Variants in DSC3 observed in about 807,000 individuals in gnomAD.
DSC3 encodes desmocollin 3, also known as desmocollin-3.
In DSC3, 97 loss-of-function variants were observed where a neutral mutation model predicts 89.5. That is an observed-to-expected ratio of 1.08 (90% CI 0.92 to 1.28). The LOEUF is 1.28. Among genes scored for constraint, DSC3 ranks in the 50% most tolerant of loss-of-function variants. DSC3 has a pLI of 0.00. For synonymous variants in DSC3, 436 were observed against 384.1 expected (o/e 1.14, Z -1.58); for missense variants, 1,199 against 1,085.3 (o/e 1.10, Z -1.47).
intron 14 of DSC3, among the ~76,000 whole-genome samples, chr18:31,000,691 T>C (rs1196545306): frequency 6.6e-6 from 1 of 152,138 alleles, no homozygotes; most frequent in Non-Finnish European, 1.5e-5. Context: ...TTGTAGGCTA[T>C]GCTGTTTTCC....
intron 1 of DSC3, among the ~76,000 whole-genome samples, chr18:31,033,232 T>C (rs115114836): frequency 0.014 from 2,058 of 152,208 alleles, 58 homozygotes; most frequent in African/African-American, 0.047. Context: ...ACAGATTCAA[T>C]ACAATCTGTA....
intron 1 of DSC3, among the ~76,000 whole-genome samples, chr18:31,035,643 A>C (rs532955315): frequency 6.6e-6 from 1 of 151,966 alleles, no homozygotes; most frequent in Non-Finnish European, 1.5e-5. Flanking sequence ...TCTCTTTTCA[A>C]AATATCTCAG....
chr18:31,042,011 G>A (rs1986149370), intron 1 of DSC3, among the ~76,000 whole-genome samples: 1 of 152,054 alleles, frequency 6.6e-6, no homozygotes, highest in Non-Finnish European at 1.5e-5. Context: ...TGGCTGGCGG[G>A]GGTGGACCGC....
Position 30,996,771 on chromosome 18 carries a change from A to G in DSC3, c.2493+20T>C, listed in dbSNP as rs1984480090. The G allele has an allele frequency of 3.1e-6, 5 of 1,612,160 alleles. No homozygotes were observed. Among genetic ancestry groups the G allele is most frequent in the Non-Finnish European group, 4.2e-6 (5 of 1,179,768 alleles). On this transcript the variant is annotated intron_variant, in intron 15 of 15. Coordinates refer to ENST00000360428, the MANE Select transcript of DSC3 (RefSeq NM_001941.5). ...TTCGGAGGTTTAAATTTTAGACTCA[A>G]AACACCTAAGGAAACTCACTTCACC...
chr18:31,031,035 G>T lies in DSC3; in HGVS notation c.292C>A (p.Leu98Ile), dbSNP rs755249288. The T allele has an allele frequency of 3.7e-6, 6 of 1,613,902 alleles. No individual in the cohort carries two copies. In the Admixed American group the frequency reaches 1.0e-4, roughly 27 times the overall value. The change falls in exon 3 of 16, where the codon CTT (leucine) becomes ATT (isoleucine). Residue 98 changes from leucine to isoleucine, a missense_variant. Physicochemically the swap from Leu to Ile is conservative, Grantham distance 5. Coordinates refer to ENST00000360428, the MANE Select transcript of DSC3 (RefSeq NM_001941.5). ...TGTGTCTGTTTCCTTTTGTCAGAAA[G>T]CCATATGGTAAATGATCTTTTCTTA... ...SDKKRSFTIW[L>I]SDKRKQTQKE...
chr18:31,020,434 T>C (rs1985379449), intron 7 of DSC3, among the ~76,000 whole-genome samples: 1 of 152,128 alleles, frequency 6.6e-6, no homozygotes, highest in Non-Finnish European at 1.5e-5. Context: ...GGACTTAAGG[T>C]TGCTGTTAGA....
chr18:31,018,283 T>C (rs750325956), intron 8 of DSC3, 27 bp from the exon 9 acceptor site: 2 of 1,583,532 alleles, frequency 1.3e-6, no homozygotes, highest in Middle Eastern at 2.0e-4. Flanking sequence ...TCATTGAAAA[T>C]TGAAATTTTA....
rs1251226014 is a variant in DSC3, at chr18:31,032,579, TGTGTGTGTGTGCGTGTGC to T, written c.70-321_70-304del. 4.0e-3 allele frequency among the ~76,000 whole-genome samples: 534 copies of T among 133,566 alleles called. 5 individuals are homozygous for T. The highest frequency in any genetic ancestry group is 0.013 in the East Asian group (55 of 4,090). 87.6% of individuals were successfully genotyped at this position (133,566 alleles called of 152,430 possible). A position where few individuals can be genotyped will look rare whatever the true frequency, so the allele number is the denominator to read the frequency against. On this transcript the variant is annotated intron_variant, in intron 1 of 15. Transcript: ENST00000360428. ...ATGTGTGTGTGTGTGTGTGTGTGTG[TGTGTGTGTGTGCGTGTGC>T]GTGTGCGTGTGCGTGTGTGACTGAG...
chr18:31,022,042 C>A (rs776807709), intron 7 of DSC3, among the ~76,000 whole-genome samples: 2 of 151,992 alleles, frequency 1.3e-5, no homozygotes, highest in African/African-American at 4.8e-5. Flanking sequence ...AAAATTGAAA[C>A]CTTTGCTGAA....
rs1278852048 is a variant in DSC3, at chr18:30,994,144, C to A, written c.*31G>T. The A allele has an allele frequency of 6.2e-7, 1 of 1,602,780 alleles. No homozygotes were observed. Among genetic ancestry groups the A allele is most frequent in the South Asian group, 1.1e-5 (1 of 90,694 alleles). On this transcript the variant is annotated 3_prime_UTR_variant, in exon 16 of 16. Transcript: ENST00000360428. ...TTATTTTTGGAAACCTCCAGAATGT[C>A]TGACAAAGACCTAATTGTAGCACTG...
chr18:31,008,004 CT>C lies in DSC3; in HGVS notation c.1663+11del, dbSNP rs760370895. 6.7e-5 allele frequency: 107 copies of C among 1,596,780 alleles called. No individual in the cohort carries two copies. Among genetic ancestry groups the C allele is most frequent in the Middle Eastern group, 3.4e-4 (2 of 5,916 alleles). ...TCCTTTATAGAATACCAGATTAAAA[CT>C]TTTTTTTTACCTTTGTCTATTGCCA... On this transcript the variant is annotated intron_variant, in intron 11 of 15. Coordinates refer to ENST00000360428, the MANE Select transcript of DSC3 (RefSeq NM_001941.5).
chr18:31,037,350 C>T lies in DSC3; in HGVS notation c.70-5074G>A, dbSNP rs79076179. Among the ~76,000 whole-genome samples the T allele has an allele frequency of 3.1e-3, 478 of 152,174 alleles. 2 individuals carry two copies. Among genetic ancestry groups the T allele is most frequent in the African/African-American group, 0.011 (453 of 41,528 alleles). The stretch of plus-strand genomic sequence containing the variant: ...GGATTTTCTATGTAGTTAATCCTGT[C>T]GCTGGCAAAATGACAACTAGGTTTC... On this transcript the variant is annotated intron_variant, in intron 1 of 15. Coordinates refer to ENST00000360428, the MANE Select transcript of DSC3 (RefSeq NM_001941.5).
At chr18:31,038,978 T>C (rs1986053843) in intron 1 of DSC3, among the ~76,000 whole-genome samples, 1 of 152,068 alleles carries the variant, frequency 6.6e-6, no homozygotes, top group Non-Finnish European at 1.5e-5. Context: ...TTGTGAGGTT[T>C]GGATGCCTTA....
rs570825652 is a variant in DSC3, at chr18:31,015,539, A to C, written c.1263+2532T>G. ...TGCTAGAGATCATTTTGTATTGGTC[A>C]AAAAAACTTAGAAATGTAATTCCTA... On this transcript the variant is annotated intron_variant, in intron 9 of 15. Coordinates refer to ENST00000360428, the MANE Select transcript of DSC3 (RefSeq NM_001941.5). 4.5e-5 allele frequency among the ~76,000 whole-genome samples: 5 copies of C among 111,706 alleles called. No individual in the cohort carries two copies. The South Asian group carries it at 1.7e-3, about 38-fold the overall frequency. The allele number at this position is 111,706 out of a possible 152,430, so 73.3% of individuals were successfully genotyped here. A position where few individuals can be genotyped will look rare whatever the true frequency, so the allele number is the denominator to read the frequency against.
chr18:30,999,674 C>T (rs1984588465), intron 14 of DSC3, among the ~76,000 whole-genome samples: 1 of 152,182 alleles, frequency 6.6e-6, no homozygotes, highest in African/African-American at 2.4e-5. Flanking sequence ...GTATCAACAA[C>T]TCTTTATCCA....
rs1304791112 is a variant in DSC3 at position 31,004,191 on chromosome 18, A to G, written c.2064T>C (p.Leu688=). ...RATSRSTGVI[L]GKWAILAILL... is the part of the protein sequence containing the mutation. ...ATATTGCAAGGATTGCCCATTTTCC[A>G]AGTATTACTCCTGTACTCCTTGAAG... The change falls in exon 13 of 16, where the codon CTT becomes CTC. Residue 688 remains leucine, a synonymous_variant. Coordinates refer to ENST00000360428, the MANE Select transcript of DSC3 (RefSeq NM_001941.5). The G allele has an allele frequency of 1.2e-6, 2 of 1,613,850 alleles. No homozygotes were observed. The highest frequency in any genetic ancestry group is 2.7e-5 in the African/African-American group (2 of 74,914).
At position 31,032,200 on chromosome 18, in the gene DSC3, A is replaced by G. The variant is rs1418697851; in HGVS notation, c.146T>C (p.Ile49Thr). The change falls in exon 2 of 16, where the codon ATT becomes ACT. Residue 49 changes from isoleucine (I) to threonine (T), a missense_variant. Transcript: ENST00000360428. ...CTTTTAAAATTTCTCACCTCTGCCAATTATTTTGTCTGCCTCTAGTTTAGA... is the reference window on the plus strand; with the variant it reads ...CTTTTAAAATTTCTCACCTCTGCCAGTTATTTTGTCTGCCTCTAGTTTAGA... Reference protein sequence around the residue: ...VPSKLEADKIIGRVNLEECFR... With the variant: ...VPSKLEADKITGRVNLEECFR... The G allele has an allele frequency of 3.1e-6, 5 of 1,612,338 alleles. No individual in the cohort carries two copies. Among genetic ancestry groups the G allele is most frequent in the African/African-American group, 1.3e-5 (1 of 74,896 alleles).
At chr18:31,042,463 C>T in intron 1 of DSC3, 129 bp downstream of exon 1, 1 of 946,488 alleles carries the variant, frequency 1.1e-6, no homozygotes, top group Non-Finnish European at 1.7e-6. Context: ...GGGCTGCTAC[C>T]AGACCCGCAG....
At position 30,993,533 on chromosome 18, in the gene DSC3, T is replaced by A. The variant is rs1341165418; in HGVS notation, c.*642A>T. The stretch of plus-strand genomic sequence containing the variant: ...ATACCCCAGCCTCATTTCAAGTTTT[T>A]ACCATTTTCCTCTTTGTTCTCATTT... On this transcript the variant is annotated 3_prime_UTR_variant, in exon 16 of 16. Coordinates refer to ENST00000360428, the MANE Select transcript of DSC3 (RefSeq NM_001941.5). 6.6e-6 allele frequency: 1 copy of A among 152,314 alleles called. No individual in the cohort carries two copies. Among genetic ancestry groups the A allele is most frequent in the Non-Finnish European group, 1.5e-5 (1 of 68,130 alleles). 9.4% of individuals were successfully genotyped at this position (152,314 alleles called of 1,614,324 possible).
Sources: gnomAD v4.1 joint callset for allele counts (sites outside exome capture counted in the v4.1 genomes callset) on GRCh38, gnomAD v4.1.1 for gene constraint, MANE v1.5 for transcripts, NCBI Gene and HGNC (gene_info 2026-07-23, HGNC 2026-07-21) for gene names.